SORBS2: variants seen among roughly 807,000 people sequenced by gnomAD.
The protein encoded by SORBS2 is sorbin and SH3 domain-containing protein 2.
In SORBS2, 46 loss-of-function variants were observed where a neutral mutation model predicts 97.7. That is an observed-to-expected ratio of 0.47 (90% CI 0.37 to 0.60). SORBS2 has a LOEUF of 0.60. Ranked by LOEUF, SORBS2 falls within the 20% of genes least tolerant of loss-of-function variation. SORBS2 has a pLI of 0.00. For missense variants in SORBS2, 1,316 were observed against 1,282.3 expected, an observed-to-expected ratio of 1.03 and a Z score of -0.40; for synonymous variants, 476 against 473.4, an observed-to-expected ratio of 1.01 and a Z score of -0.07.
intron 1 of SORBS2, among the ~76,000 whole-genome samples, chr4:185,924,321 G>A (rs1287401148): frequency 1.3e-5 from 2 of 152,182 alleles, no homozygotes; most frequent in Non-Finnish European, 2.9e-5. Flanking sequence ...GGAAGCAAAA[G>A]TTCACCGTGG....
At chr4:185,839,555 A>G (rs968862000) in intron 1 of SORBS2, among the ~76,000 whole-genome samples, 30 of 152,122 alleles carry the variant, frequency 2.0e-4, no homozygotes, top group Non-Finnish European at 4.3e-4. Context: ...AGCGCTCCCT[A>G]GGGAGGAGGC....
chr4:185,610,118 C>T (rs1434456712), intron 12 of SORBS2, among the ~76,000 whole-genome samples: 1 of 152,076 alleles, frequency 6.6e-6, no homozygotes, highest in African/African-American at 2.4e-5. Flanking sequence ...AAGATGAAAA[C>T]ATTGGGATCA....
Position 185,624,475 on chromosome 4 carries a change from T to C in SORBS2, c.654A>G (p.Ile218Met), listed in dbSNP as rs774398814. The change falls in exon 7 of 15, where the codon ATA becomes ATG. Residue 218 changes from isoleucine (I) to methionine (M), a missense_variant. Transcript: ENST00000418609. ...CTGAGTAACTGCAAAGGGATGGACA[T>C]ATTTTGCTATCATCCCCACCTTTTA... The C allele has an allele frequency of 5.0e-6, 8 of 1,605,570 alleles. No homozygotes were observed. The highest frequency in any genetic ancestry group is 3.3e-5 in the South Asian group (3 of 90,878).
intron 1 of SORBS2, among the ~76,000 whole-genome samples, chr4:185,828,634 C>T (rs550747036): frequency 6.6e-6 from 1 of 152,088 alleles, no homozygotes; most frequent in African/African-American, 2.4e-5. Flanking sequence ...AGGCAGGGAA[C>T]CATGGCTCGC....
At chr4:185,601,692 G>GA (rs138994840) in intron 12 of SORBS2, among the ~76,000 whole-genome samples, 15,529 of 151,920 alleles carry the variant, frequency 0.1, 869 homozygotes, top group East Asian at 0.21. Flanking sequence ...AGCTCTTAGA[G>GA]AAAAAAAATA....
At chr4:185,897,834 C>G (rs2099245783) in intron 1 of SORBS2, among the ~76,000 whole-genome samples, 1 of 151,888 alleles carries the variant, frequency 6.6e-6, no homozygotes. Flanking sequence ...GTCAGGAGTT[C>G]AAGACCAGCC....
At chr4:185,850,582 T>C (rs1396546640) in intron 1 of SORBS2, among the ~76,000 whole-genome samples, 1 of 152,214 alleles carries the variant, frequency 6.6e-6, no homozygotes, top group Non-Finnish European at 1.5e-5. Flanking sequence ...ACCCATCTTC[T>C]CTTCTTTGAA....
At chr4:185,674,585 T>A (rs529151178) in intron 4 of SORBS2, among the ~76,000 whole-genome samples, 95 of 152,262 alleles carry the variant, frequency 6.2e-4, no homozygotes, top group African/African-American at 2.2e-3. Flanking sequence ...TCCAGTGACC[T>A]CCATTTTTAT....
chr4:185,868,638 A>G (rs1221214318), intron 1 of SORBS2, among the ~76,000 whole-genome samples: 1 of 152,110 alleles, frequency 6.6e-6, no homozygotes, highest in Non-Finnish European at 1.5e-5. Flanking sequence ...TTTTTGTGCC[A>G]CCACCGGTTG....
intron 1 of SORBS2, among the ~76,000 whole-genome samples, chr4:185,786,114 T>C (rs2099055196): frequency 6.6e-6 from 1 of 152,260 alleles, no homozygotes; most frequent in Non-Finnish European, 1.5e-5. Flanking sequence ...TTATCATTTA[T>C]TTCAGATAGC....
At chr4:185,598,408 C>T (rs2096170648) in intron 12 of SORBS2, among the ~76,000 whole-genome samples, 1 of 152,162 alleles carries the variant, frequency 6.6e-6, no homozygotes, top group Non-Finnish European at 1.5e-5. Context: ...GAACCAATCA[C>T]AAGTTGCTGT....
chr4:185,587,793 C>A, intron 14 of SORBS2, 105 bp from the exon 27 acceptor site: 1 of 881,404 alleles, frequency 1.1e-6, no homozygotes, highest in Non-Finnish European at 1.8e-6. Context: ...CAGCAAGCCC[C>A]GAGGGGTTTG....
At chr4:185,675,279 C>T (rs1441409137) in intron 4 of SORBS2, 1 of 152,496 alleles carries the variant, frequency 6.6e-6, no homozygotes, top group Non-Finnish European at 1.5e-5. Flanking sequence ...ACTTCTCCTA[C>T]ACCTGCTTCC....
At chr4:185,826,084 C>T (rs1199898812) in intron 1 of SORBS2, among the ~76,000 whole-genome samples, 3 of 152,318 alleles carry the variant, frequency 2.0e-5, no homozygotes, top group South Asian at 2.1e-4. Context: ...GGAGAAGCAT[C>T]GTTTCAGTCA....
intron 1 of SORBS2, among the ~76,000 whole-genome samples, chr4:185,954,988 G>T (rs576942669): frequency 6.6e-6 from 1 of 151,956 alleles, no homozygotes; most frequent in Non-Finnish European, 1.5e-5. Context: ...CAGTACCACC[G>T]GGCTAGCAAT....
chr4:185,732,008 A>G (rs1428742361), intron 2 of SORBS2, among the ~76,000 whole-genome samples: 3 of 151,084 alleles, frequency 2.0e-5, no homozygotes, highest in Non-Finnish European at 4.4e-5. Flanking sequence ...GTGGATAATA[A>G]ATTTCAAAAT....
chr4:185,757,134 G>T (rs1002553654), intron 2 of SORBS2: 3 of 455,256 alleles, frequency 6.6e-6, no homozygotes, highest in African/African-American at 6.0e-5. Flanking sequence ...CACTGTAGGG[G>T]TTCCTGGTCC....
intron 1 of SORBS2, among the ~76,000 whole-genome samples, chr4:185,928,971 T>C (rs1402375948): frequency 3.3e-5 from 5 of 152,182 alleles, no homozygotes; most frequent in Non-Finnish European, 7.3e-5. Context: ...ACATCCAAAC[T>C]CTTATGGTAA....
chr4:185,855,494 G>A (rs1181263438), intron 1 of SORBS2, among the ~76,000 whole-genome samples: 1 of 151,992 alleles, frequency 6.6e-6, no homozygotes, highest in Non-Finnish European at 1.5e-5. Flanking sequence ...GGAGGGAAAT[G>A]TCATTTCATT....
Sources: allele counts gnomAD v4.1 joint callset (sites outside exome capture counted in the v4.1 genomes callset), GRCh38; gene constraint gnomAD v4.1.1; transcripts MANE v1.5; gene names NCBI Gene and HGNC (gene_info 2026-07-23, HGNC 2026-07-21).